BOK: variants seen among roughly 807,000 people sequenced by gnomAD.
BOK encodes the protein BCL2 family apoptosis regulator BOK.
BOK carries 20 observed loss-of-function variants against 18.3 expected under a neutral mutation model. The ratio of observed to expected loss-of-function variants is 1.09; its 90% confidence interval spans 0.77 to 1.59. BOK has a LOEUF of 1.59. Ranked by LOEUF, BOK falls within the 40% of genes most tolerant of loss-of-function variation. The pLI is 0.00. For synonymous variants in BOK, 173 were observed against 142.4 expected (o/e 1.21, Z -1.53); for missense variants, 348 against 307.9 (o/e 1.13, Z -0.97).
chr2:241,562,392 G>A lies in BOK; in HGVS notation c.265G>A (p.Ala89Thr), dbSNP rs1457741826. Residue 89 changes from alanine to threonine, a missense_variant, in exon 3 of 5, where the codon GCG (alanine) becomes ACG (threonine). Ala to Thr is a moderately conservative substitution (Grantham distance 58, BLOSUM62 0). Transcript: ENST00000318407. The surrounding 1 kb of genome is among the most constrained non-coding windows in gnomAD (Gnocchi z 4.5). ...CCGGCCCAGCGTCTACCGCAACGTG[G>A]CGCGTCAGCTGCACATCTCCCTGCA... ...MIRPSVYRNV[A>T]RQLHISLQSE... 1.9e-6 allele frequency: 3 copies of A among 1,611,970 alleles called. No homozygotes were observed. The African/African-American group carries it at 4.0e-5, about 21-fold the overall frequency.
chr2:241,566,602 A>G (rs1344819814), intron 3 of BOK, among the ~76,000 whole-genome samples: 1 of 152,112 alleles, frequency 6.6e-6, no homozygotes. Flanking sequence ...CACAAATCAG[A>G]CCATGTCACT....
chr2:241,558,345 A>G (rs1205697821), upstream of BOK, among the ~76,000 whole-genome samples: 2 of 152,256 alleles, frequency 1.3e-5, no homozygotes, highest in Non-Finnish European at 1.5e-5. Flanking sequence ...TAAATTGGAC[A>G]TCACTAAGAG....
upstream of BOK, among the ~76,000 whole-genome samples, chr2:241,555,989 C>T (rs1452384274): frequency 6.6e-6 from 1 of 152,216 alleles, no homozygotes; most frequent in Non-Finnish European, 1.5e-5. Context: ...GGCTCTTCCC[C>T]TGACAGAGGT....
At chr2:241,560,131 G>GC (rs1434267013) in intron 2 of BOK, 51 of 985,242 alleles carry the variant, frequency 5.2e-5, no homozygotes, top group Non-Finnish European at 5.9e-5. Flanking sequence ...GGCCTCCGAG[G>GC]CCCCCCCATT....
chr2:241,563,658 G>T (rs2066566470), intron 3 of BOK, among the ~76,000 whole-genome samples: 2 of 152,186 alleles, frequency 1.3e-5, no homozygotes, highest in Admixed American at 6.5e-5. Context: ...GTGTGGGTCC[G>T]TGGCCAGTCA....
At chr2:241,556,380 C>T (rs1007653338), upstream of BOK, among the ~76,000 whole-genome samples, 8 of 152,096 alleles carry the variant, frequency 5.3e-5, no homozygotes, top group Admixed American at 2.0e-4. Context: ...GTCAAGAGAT[C>T]GAGACCATCC....
At chr2:241,557,017 A>G (rs1352076443), upstream of BOK, among the ~76,000 whole-genome samples, 1 of 152,136 alleles carries the variant, frequency 6.6e-6, no homozygotes, top group Non-Finnish European at 1.5e-5. Flanking sequence ...AGTCCTCCAT[A>G]CTATCTTTTT....
At chr2:241,560,241 C>G (rs1559200045) in intron 2 of BOK, 2 of 985,468 alleles carry the variant, frequency 2.0e-6, no homozygotes, top group Non-Finnish European at 2.4e-6. Context: ...ACACGGTCCA[C>G]TGGCTGCCCC....
intron 3 of BOK, among the ~76,000 whole-genome samples, chr2:241,563,885 G>A (rs972986268): frequency 1.3e-5 from 2 of 152,254 alleles, no homozygotes; most frequent in African/African-American, 2.4e-5. Context: ...GAGGCCAGGA[G>A]TGTGAGGACC....
In BOK at chr2:241,570,166, G is replaced by T. The variant is rs141191357; in HGVS notation, c.391G>T (p.Ala131Ser). 1.2e-6 allele frequency: 2 copies of T among 1,611,098 alleles called. No individual in the cohort carries two copies. The highest frequency in any genetic ancestry group is 1.3e-5 in the African/African-American group (1 of 74,970). The change falls in exon 4 of 5, where the codon GCG becomes TCG. Residue 131 changes from alanine (A) to serine (S), a missense_variant. Physicochemically the swap from Ala to Ser is moderately conservative, Grantham distance 99. Coordinates refer to ENST00000318407, the MANE Select transcript of BOK (RefSeq NM_032515.5). ...GKVVSLYAVA[A>S]GLAVDCVRQA... Reference sequence around the variant, plus strand: ...GGTGGTGTCCCTGTATGCGGTGGCCGCGGGGCTGGCCGTGGACTGTGTGAG... The same window carrying T: ...GGTGGTGTCCCTGTATGCGGTGGCCTCGGGGCTGGCCGTGGACTGTGTGAG...
Position 241,572,570 on chromosome 2 carries a change from A to C in BOK, c.*148A>C. The stretch of plus-strand genomic sequence containing the variant: ...CTAAGCCCCGTTCCTCCGCAGACCC[A>C]GGCCCTCCGGAAGGGGTGAGTGGGG... On this transcript the variant is annotated 3_prime_UTR_variant, in exon 5 of 5. Transcript: ENST00000318407. 1 of 1,271,926 alleles carries C rather than the reference A, an allele frequency of 7.9e-7. No homozygotes were observed. The highest frequency in any genetic ancestry group is 1.1e-6 in the Non-Finnish European group (1 of 939,602). 78.8% of individuals were successfully genotyped at this position (1,271,926 alleles called of 1,614,324 possible).
At chr2:241,568,105 A>G (rs1247840789) in intron 3 of BOK, among the ~76,000 whole-genome samples, 5 of 151,938 alleles carry the variant, frequency 3.3e-5, no homozygotes, top group Non-Finnish European at 5.9e-5. Flanking sequence ...AGCCTGCCTC[A>G]GAGCCCCATG....
At chr2:241,553,116 C>T (rs541413110) in intron 1 of BOK, among the ~76,000 whole-genome samples, 1 of 152,154 alleles carries the variant, frequency 6.6e-6, no homozygotes, top group South Asian at 2.1e-4. Flanking sequence ...CACCCACCCC[C>T]GGCATGGCAT....
At chr2:241,560,697 T>C (rs2125045912) in intron 2 of BOK, among the ~76,000 whole-genome samples, 1 of 152,200 alleles carries the variant, frequency 6.6e-6, no homozygotes, top group Admixed American at 6.5e-5. Context: ...GAGAGGTCTC[T>C]GGGTGGGAGC....
intron 3 of BOK, 44 bp from the exon 4 acceptor site, chr2:241,570,081 G>A (rs746355053): frequency 1.4e-5 from 22 of 1,586,030 alleles, no homozygotes; most frequent in Non-Finnish European, 1.9e-5. Context: ...GTGCTCCCGT[G>A]GGCGGGATTC....
Position 241,574,121 on chromosome 2 carries a change from T to C in BOK, c.*1699T>C, listed in dbSNP as rs2066765163. On this transcript the variant is annotated 3_prime_UTR_variant, in exon 5 of 5. Transcript: ENST00000318407. ...GGTAATAAACTTCTCCAAACGATCGTTGTCATTTTAGACAGAATGTCACTG... is the reference window on the plus strand; with the variant it reads ...GGTAATAAACTTCTCCAAACGATCGCTGTCATTTTAGACAGAATGTCACTG... 6.6e-6 allele frequency: 1 copy of C among 152,198 alleles called. No homozygotes were observed. The highest frequency in any genetic ancestry group is 2.1e-4 in the South Asian group (1 of 4,834). 9.4% of individuals were successfully genotyped at this position (152,198 alleles called of 1,614,324 possible).
At chr2:241,554,034 C>G (rs1349901698), upstream of BOK, among the ~76,000 whole-genome samples, 1 of 152,186 alleles carries the variant, frequency 6.6e-6, no homozygotes, top group Non-Finnish European at 1.5e-5. Flanking sequence ...TGCAGCCGGC[C>G]AGGGCAGGTG....
In BOK at chr2:241,562,863, AAGG is replaced by A. The variant is rs2066552316; in HGVS notation, c.349+393_349+395del. Among the ~76,000 whole-genome samples, 1 of 151,730 alleles carries A rather than the reference AAGG, an allele frequency of 6.6e-6. No homozygotes were observed. Among genetic ancestry groups the A allele is most frequent in the Admixed American group, 6.5e-5 (1 of 15,278 alleles). ...TTCTCACAGCATGGTGCTGTGTCCC[AAGG>A]AGGAGTGGCAAGGAGCAGGTTTCCC... On this transcript the variant is annotated intron_variant, in intron 3 of 4. Coordinates refer to ENST00000318407, the MANE Select transcript of BOK (RefSeq NM_032515.5). This position sits in a 1 kb window ranked among gnomAD's most constrained non-coding sequence, Gnocchi z 4.5.
chr2:241,551,704 C>A (rs913770205), intron 1 of BOK, among the ~76,000 whole-genome samples: 33 of 152,030 alleles, frequency 2.2e-4, no homozygotes, highest in African/African-American at 7.3e-4. Context: ...GGAAACCCCC[C>A]ACGGGAGGTG....
Sources: gnomAD v4.1 joint callset for allele counts (sites outside exome capture counted in the v4.1 genomes callset) on GRCh38, gnomAD v4.1.1 for gene constraint, Gnocchi (gnomAD v3.1) non-coding constraint, MANE v1.5 for transcripts, NCBI Gene and HGNC (gene_info 2026-07-23, HGNC 2026-07-21) for gene names.